CDK12: variants seen among roughly 807,000 people sequenced by gnomAD.
The protein encoded by CDK12 is cyclin dependent kinase 12.
CDK12 carries 17 observed loss-of-function variants against 133.8 expected under a neutral mutation model. That is an observed-to-expected ratio of 0.13 (90% confidence interval 0.09 to 0.19). The LOEUF is 0.19. CDK12 is among the 10% of genes least tolerant of loss of function. CDK12 has a pLI of 1.00. For synonymous variants in CDK12, 694 were observed against 683.6 expected (o/e 1.02, Z -0.24); for missense variants, 1,508 against 1,818.7 (o/e 0.83, Z 3.11).
At chr17:39,525,050 A>C (rs1188577081) in intron 12 of CDK12, among the ~76,000 whole-genome samples, 165 bp downstream of exon 12, 1 of 152,244 alleles carries the variant, frequency 6.6e-6, no homozygotes, top group African/African-American at 2.4e-5. Context: ...AGATTAACCA[A>C]GTTTCGTACA....
At chr17:39,540,570 C>A (rs1453802419) in intron 1 of CDK12, among the ~76,000 whole-genome samples, 2 of 152,206 alleles carry the variant, frequency 1.3e-5, no homozygotes, top group Non-Finnish European at 2.9e-5. Flanking sequence ...CCCTTTAATG[C>A]TTTGAAAATG....
chr17:39,547,033 G>A (rs1321503466), upstream of CDK12, among the ~76,000 whole-genome samples: 1 of 151,794 alleles, frequency 6.6e-6, no homozygotes, highest in African/African-American at 2.4e-5. Flanking sequence ...GAGAGGGAGA[G>A]TCTAATGACA....
chr17:39,517,999 A>G (rs1304789387), intron 10 of CDK12, among the ~76,000 whole-genome samples: 1 of 142,496 alleles, frequency 7.0e-6, no homozygotes, highest in Non-Finnish European at 1.5e-5. Flanking sequence ...TTTTTTTGAG[A>G]CAGAGTCTCA....
At chr17:39,473,195 C>A (rs111702453) in intron 2 of CDK12, among the ~76,000 whole-genome samples, 3 of 151,816 alleles carry the variant, frequency 2.0e-5, no homozygotes, top group African/African-American at 7.2e-5. Context: ...CACAAAATGT[C>A]TTTTATAGCC....
intron 2 of CDK12, among the ~76,000 whole-genome samples, chr17:39,481,070 A>G (rs908622709): frequency 5.3e-5 from 8 of 152,074 alleles, no homozygotes; most frequent in East Asian, 2.0e-4. Flanking sequence ...CCTGGCCAAC[A>G]TGGAGAAACC....
chr17:39,552,793 A>T (rs1400508075), intron 2 of CDK12, among the ~76,000 whole-genome samples: 12 of 151,952 alleles, frequency 7.9e-5, no homozygotes, highest in Non-Finnish European at 1.5e-5. Context: ...CAGTGGCGTG[A>T]TCTCAGCTCA....
chr17:39,564,380 T>C (rs2056499681), intron 3 of CDK12, among the ~76,000 whole-genome samples: 1 of 152,120 alleles, frequency 6.6e-6, no homozygotes, highest in Non-Finnish European at 1.5e-5. Flanking sequence ...GGAAACCAGG[T>C]TCCCTCCTCC....
intron 2 of CDK12, among the ~76,000 whole-genome samples, chr17:39,479,818 G>A (rs1248030577): frequency 1.3e-5 from 2 of 151,802 alleles, no homozygotes; most frequent in African/African-American, 4.8e-5. Flanking sequence ...GTAGAGACAG[G>A]GTCTCCTCAT....
intron 3 of CDK12, among the ~76,000 whole-genome samples, chr17:39,557,701 A>G (rs532738166): frequency 6.6e-6 from 1 of 152,204 alleles, no homozygotes; most frequent in Non-Finnish European, 1.5e-5. Flanking sequence ...CCTAAGAGGC[A>G]TTGGATGAAG....
chr17:39,563,071 T>C (rs1177483110), intron 3 of CDK12, among the ~76,000 whole-genome samples: 1 of 152,178 alleles, frequency 6.6e-6, no homozygotes, highest in Non-Finnish European at 1.5e-5. Flanking sequence ...TGCATATTCA[T>C]CAGGCTATTA....
chr17:39,510,629 T>C (rs867020370), intron 7 of CDK12, among the ~76,000 whole-genome samples: 4 of 151,712 alleles, frequency 2.6e-5, no homozygotes, highest in Admixed American at 2.0e-4. Context: ...TTTTCTTTTT[T>C]TTTCCTGGAG....
At chr17:39,486,030 G>T (rs1374686923) in intron 2 of CDK12, among the ~76,000 whole-genome samples, 2 of 148,870 alleles carry the variant, frequency 1.3e-5, no homozygotes, top group Non-Finnish European at 3.0e-5. Context: ...TTGGCTCACT[G>T]CAACCTCTGC....
intron 11 of CDK12, among the ~76,000 whole-genome samples, chr17:39,524,411 A>G (rs2054369503): frequency 6.6e-6 from 1 of 152,212 alleles, no homozygotes; most frequent in Admixed American, 6.5e-5. Context: ...ATGGGAATTT[A>G]TATAGCTGGT....
chr17:39,515,656 T>C, intron 8 of CDK12, 75 bp from the exon 9 acceptor site: 2 of 880,350 alleles, frequency 2.3e-6, no homozygotes, highest in South Asian at 3.0e-5. Context: ...ATATCAATAA[T>C]GTAAAAATTT....
At chr17:39,491,262 G>A (rs1365330009) in intron 3 of CDK12, among the ~76,000 whole-genome samples, 3 of 152,112 alleles carry the variant, frequency 2.0e-5, no homozygotes, top group Admixed American at 2.0e-4. Flanking sequence ...TTGAGACAGA[G>A]TTGCGTTCTT....
intron 2 of CDK12, among the ~76,000 whole-genome samples, chr17:39,551,992 C>T (rs1442113399): frequency 6.6e-6 from 1 of 152,158 alleles, no homozygotes; most frequent in African/African-American, 2.4e-5. Flanking sequence ...CTTTATCACA[C>T]TCCCCAGGCC....
chr17:39,564,219 G>A (rs1350859836), intron 3 of CDK12, among the ~76,000 whole-genome samples: 2 of 152,192 alleles, frequency 1.3e-5, no homozygotes, highest in Non-Finnish European at 2.9e-5. Context: ...ACCAGCTTTT[G>A]TGGCACTACC....
rs2054385369 is a variant in CDK12 at position 39,524,663 on chromosome 17, T to C, written c.3096-11T>C. 6.2e-7 allele frequency: 1 copy of C among 1,613,192 alleles called. No individual in the cohort carries two copies. On this transcript the variant is annotated splice_polypyrimidine_tract_variant and intron_variant, in intron 11 of 13. Transcript: ENST00000447079. ...CCTTACATATTTCCCCTTTGCTTTG[T>C]CTTTTTCCAGCCTCCCCCACTGGCA...
At position 39,520,256 on chromosome 17, in the gene CDK12, A is replaced by G. The variant is rs371313395; in HGVS notation, c.3095+169A>G. 8.3e-4 allele frequency among the ~76,000 whole-genome samples: 126 copies of G among 152,172 alleles called. No homozygotes were observed. In the South Asian group the frequency reaches 0.024, roughly 29 times the overall value. Reference sequence around the variant, plus strand: ...TTTTATCTTTGTTGTTTTTTTCTTTATATAAGTAATAGATTTAGCTTTGAT... The same window carrying G: ...TTTTATCTTTGTTGTTTTTTTCTTTGTATAAGTAATAGATTTAGCTTTGAT... On this transcript the variant is annotated intron_variant, in intron 11 of 13. Transcript: ENST00000447079.
Sources: gnomAD v4.1 joint callset for allele counts (sites outside exome capture counted in the v4.1 genomes callset) on GRCh38, gnomAD v4.1.1 for gene constraint, MANE v1.5 for transcripts, NCBI Gene and HGNC (gene_info 2026-07-23, HGNC 2026-07-21) for gene names.